The following TSC2 variants were observed in gnomAD, a reference collection of about 807,000 sequenced individuals.
TSC2 encodes tuberin.
A neutral mutation model predicts 202.2 loss-of-function variants in TSC2; 29 were observed. The ratio of observed to expected loss-of-function variants is 0.14; its 90% CI spans 0.11 to 0.20. The LOEUF (loss-of-function observed/expected upper bound fraction) is 0.20. Ranked by LOEUF, TSC2 falls within the 10% of genes least tolerant of loss-of-function variation. TSC2 has a pLI of 1.00. For missense variants in TSC2, 2,429 were observed against 2,420.0 expected, an observed-to-expected ratio of 1.00 and a Z score of -0.08; for synonymous variants, 1,349 against 1,044.0, an observed-to-expected ratio of 1.29 and a Z score of -5.63.
chr16:2,049,311 G>C (rs1596238784), intron 2 of TSC2, among the ~76,000 whole-genome samples: 1 of 151,670 alleles, frequency 6.6e-6, no homozygotes, highest in East Asian at 2.0e-4. Flanking sequence ...GTCTTGAACT[G>C]CTGACCTCAG....
At chr16:2,070,693 A>G (rs1596337679) in intron 17 of TSC2, 115 bp downstream of exon 17, 1 of 1,529,836 alleles carries the variant, frequency 6.5e-7, no homozygotes, top group Non-Finnish European at 8.8e-7. Flanking sequence ...GCCTCAGCTG[A>G]CCGTCCCTCC....
chr16:2,075,207 A>T (rs541173870), intron 22 of TSC2: 1 of 150,028 alleles, frequency 6.7e-6, no homozygotes, highest in Admixed American at 6.6e-5. Context: ...TGGGCAACAG[A>T]GCGAGACACC....
rs876659087 is a variant in TSC2, at chr16:2,083,792, C to T, written c.3981C>T (p.Asp1327=). The T allele has an allele frequency of 1.4e-5, 23 of 1,611,428 alleles. No individual in the cohort carries two copies. Among genetic ancestry groups the T allele is most frequent in the African/African-American group, 2.7e-5 (2 of 74,940 alleles). The change falls in exon 33 of 42, where the codon GAC becomes GAT. Residue 1327 remains aspartate (D), a synonymous_variant. Transcript: ENST00000219476. ...LEDVEAALGM[D]RRTDAYSRSS... ...ACGTTGAGGCAGCGCTAGGCATGGACAGGCGCACGGATGCCTACAGCAGGG... is the reference window on the plus strand; with the variant it reads ...ACGTTGAGGCAGCGCTAGGCATGGATAGGCGCACGGATGCCTACAGCAGGG...
rs1470901735 is a variant in TSC2 at position 2,088,689 on chromosome 16, A to G, written c.*79A>G. On this transcript the variant is annotated 3_prime_UTR_variant, in exon 42 of 42. Transcript: ENST00000219476. ...ATAAATAAAGTCCTGACCCCAGTGC[A>G]CAGACATAGAGGCACAGATTGCAGT... The G allele has an allele frequency of 4.6e-6, 7 of 1,512,612 alleles. No individual in the cohort carries two copies. In the African/African-American group the frequency reaches 8.3e-5, roughly 18 times the overall value. 93.7% of individuals were successfully genotyped at this position (1,512,612 alleles called of 1,614,324 possible). A position where few individuals can be genotyped will look rare whatever the true frequency, so the allele number is the denominator to read the frequency against.
At chr16:2,083,118 G>A (rs2090337384) in intron 32 of TSC2, 1 of 455,590 alleles carries the variant, frequency 2.2e-6, no homozygotes. Context: ...GGCGCCCGGG[G>A]GCTGTGATGG....
chr16:2,048,370 G>A, intron 1 of TSC2: 1 of 859,074 alleles, frequency 1.2e-6, no homozygotes, highest in Non-Finnish European at 1.9e-6. Context: ...CAGCGTCTGA[G>A]TAGAGAGCTC....
rs148518100 is a variant in TSC2 at position 2,048,590 on chromosome 16, G to T, written c.-26G>T. On this transcript the variant is annotated 5_prime_UTR_variant, in exon 2 of 42. Coordinates refer to ENST00000219476, the MANE Select transcript of TSC2 (RefSeq NM_000548.5). ...CATTCCTGTTTCGTTTGCACAGAGG[G>T]GTTTTCTGGTGCGTCCTGGTCCACC... is the stretch of plus-strand genomic sequence containing the variant. 1.9e-6 allele frequency: 3 copies of T among 1,613,640 alleles called. No homozygotes were observed. The highest frequency in any genetic ancestry group is 2.5e-6 in the Non-Finnish European group (3 of 1,180,008).
chr16:2,086,052 G>A, intron 36 of TSC2, 141 bp from the exon 37 acceptor site: 3 of 959,688 alleles, frequency 3.1e-6, no homozygotes, highest in Non-Finnish European at 4.8e-6. Context: ...TCTGGCCTGG[G>A]TGGCTGCTGG....
intron 10 of TSC2, among the ~76,000 whole-genome samples, chr16:2,059,869 C>G (rs1221977719): frequency 6.6e-6 from 1 of 152,168 alleles, no homozygotes; most frequent in Non-Finnish European, 1.5e-5. Context: ...CCATGTTGGT[C>G]AGGCTGGTCT....
chr16:2,057,089 G>C lies in TSC2; in HGVS notation c.775-16G>C, dbSNP rs1359566041. The stretch of plus-strand genomic sequence containing the variant: ...GCTTATGCCTGCCAGCCCCTGACAC[G>C]CATTGTGTCTCGCAGCTGATGCGGA... On this transcript the variant is annotated splice_polypyrimidine_tract_variant and intron_variant, in intron 8 of 41. Transcript: ENST00000219476. 3 of 1,550,918 alleles carry C rather than the reference G, an allele frequency of 1.9e-6. No homozygotes were observed. The highest frequency in any genetic ancestry group is 1.2e-5 in the South Asian group (1 of 84,074).
chr16:2,085,642 C>G (rs1169194293), intron 36 of TSC2, among the ~76,000 whole-genome samples: 1 of 152,146 alleles, frequency 6.6e-6, no homozygotes, highest in Non-Finnish European at 1.5e-5. Flanking sequence ...GCAGGGGGAG[C>G]CTGCATAAGG....
chr16:2,064,773 G>A, intron 15 of TSC2: 1 of 406,812 alleles, frequency 2.5e-6, no homozygotes, highest in Non-Finnish European at 4.6e-6. Flanking sequence ...ATGCATTTTG[G>A]TTTCTGCACA....
intron 3 of TSC2, among the ~76,000 whole-genome samples, chr16:2,053,124 C>G (rs895997170): frequency 1.3e-5 from 2 of 152,190 alleles, no homozygotes; most frequent in Non-Finnish European, 2.9e-5. Context: ...TTAAAGGGAC[C>G]TGCTGGGGTT....
chr16:2,052,524 A>G (rs776483319), intron 3 of TSC2, among the ~76,000 whole-genome samples: 18 of 152,130 alleles, frequency 1.2e-4, no homozygotes, highest in Non-Finnish European at 1.9e-4. Flanking sequence ...TGCCCAGGCT[A>G]GTCTGAAACT....
In TSC2 at chr16:2,087,940, A is replaced by G. The variant is rs1018327394; in HGVS notation, c.5067A>G (p.Lys1689=). 2 of 1,605,096 alleles carry G rather than the reference A, an allele frequency of 1.2e-6. No homozygotes were observed. The highest frequency in any genetic ancestry group is 2.7e-5 in the African/African-American group (2 of 74,592). ...ECNLVSLQCR[K]DMEGLVDTSV... ...ACCTGGTGTCCCTGCAGTGCAGGAA[A>G]GGTAGGGCCGGGTGGGGCCCTGCAG... The change falls in exon 39 of 42, where the codon AAA becomes AAG. Residue 1689 remains lysine (K), a splice_region_variant and synonymous_variant. Transcript: ENST00000219476.
intron 25 of TSC2, 180 bp from the exon 26 acceptor site, chr16:2,077,418 T>A: frequency 1.2e-6 from 1 of 849,922 alleles, no homozygotes; most frequent in Admixed American, 2.2e-5. Context: ...ATTTTTGTTT[T>A]CTGTCTCTTC....
chr16:2,081,227 G>C (rs746603588), intron 30 of TSC2: 3 of 369,850 alleles, frequency 8.1e-6, no homozygotes, highest in African/African-American at 4.2e-5. Context: ...CAGAGGCCCA[G>C]AGCCCAGGGA....
intron 2 of TSC2, 137 bp from the exon 3 acceptor site, chr16:2,050,263 A>ATC (rs1283200760): frequency 1.1e-6 from 1 of 903,166 alleles, no homozygotes. Context: ...CGTCAAGTGA[A>ATC]TCTTGATTCC....
intron 3 of TSC2, among the ~76,000 whole-genome samples, chr16:2,052,570 G>A (rs2085266969): frequency 6.6e-6 from 1 of 152,094 alleles, no homozygotes; most frequent in Non-Finnish European, 1.5e-5. Flanking sequence ...TCTGCCACCC[G>A]AAGTGCTGAG....
Sources: allele counts gnomAD v4.1 joint callset (sites outside exome capture counted in the v4.1 genomes callset), GRCh38; gene constraint gnomAD v4.1.1; transcripts MANE v1.5; gene names NCBI Gene and HGNC (gene_info 2026-07-23, HGNC 2026-07-21).